Variants in PDSS2 observed in about 807,000 individuals in gnomAD.
PDSS2 encodes all trans-polyprenyl-diphosphate synthase PDSS2.
Under a neutral mutation model 44.5 loss-of-function variants are expected in PDSS2, and 31 were observed. That is an observed-to-expected ratio of 0.70 (90% CI 0.52 to 0.94). The LOEUF is 0.94. Among genes scored for constraint, PDSS2 ranks in the 40% least tolerant of loss-of-function variants. The pLI is 0.00. For missense variants in PDSS2, 452 were observed against 482.2 expected (o/e 0.94, Z 0.59); for synonymous variants, 157 against 180.3 (o/e 0.87, Z 1.03).
At chr6:107,177,196 T>A (rs1771824238) in intron 7 of PDSS2, among the ~76,000 whole-genome samples, 1 of 150,466 alleles carries the variant, frequency 6.6e-6, no homozygotes, top group Admixed American at 6.7e-5. Flanking sequence ...AGTGTTGCAA[T>A]CTTGGCTCAC....
chr6:107,241,667 G>C (rs1435716569), intron 4 of PDSS2, among the ~76,000 whole-genome samples: 1 of 152,140 alleles, frequency 6.6e-6, no homozygotes, highest in African/African-American at 2.4e-5. Context: ...TTCTTTTGGA[G>C]AAGGTGACTT....
chr6:107,343,404 T>G (rs1778140659), intron 1 of PDSS2, among the ~76,000 whole-genome samples: 1 of 152,244 alleles, frequency 6.6e-6, no homozygotes, highest in Non-Finnish European at 1.5e-5. Context: ...CTAAATTGAT[T>G]TGTGACCCAC....
intron 2 of PDSS2, among the ~76,000 whole-genome samples, chr6:107,292,288 T>C (rs1776374860): frequency 6.6e-6 from 1 of 151,732 alleles, no homozygotes; most frequent in African/African-American, 2.4e-5. Context: ...TTAGAACTAC[T>C]GGTACTTTTG....
At chr6:107,155,176 C>T (rs1181808852) in intron 7 of PDSS2, among the ~76,000 whole-genome samples, 4 of 149,222 alleles carry the variant, frequency 2.7e-5, no homozygotes, top group Admixed American at 6.7e-5. Context: ...GATGGAGTCT[C>T]GCTCTGTCGC....
At chr6:107,273,078 G>T (rs771892716) in intron 3 of PDSS2, among the ~76,000 whole-genome samples, 1 of 152,008 alleles carries the variant, frequency 6.6e-6, no homozygotes, top group African/African-American at 2.4e-5. Context: ...TCTGCCTCCC[G>T]GGTTCAAGCG....
intron 7 of PDSS2, among the ~76,000 whole-genome samples, chr6:107,176,427 CAT>C (rs34187613): frequency 5.1e-4 from 34 of 66,308 alleles, no homozygotes; most frequent in African/African-American, 1.5e-3. Flanking sequence ...CACACACACA[CAT>C]ACACACACAC....
chr6:107,444,084 A>C (rs962865084), intron 1 of PDSS2, among the ~76,000 whole-genome samples: 16 of 152,300 alleles, frequency 1.1e-4, no homozygotes, highest in Non-Finnish European at 1.9e-4. Flanking sequence ...GCTGGAGTGC[A>C]GTGGAACAAT....
chr6:107,442,180 G>C (rs1460363932), intron 1 of PDSS2, among the ~76,000 whole-genome samples: 1 of 152,180 alleles, frequency 6.6e-6, no homozygotes, highest in Non-Finnish European at 1.5e-5. Context: ...ACTTTGGGAG[G>C]CCAAAGCAGG....
chr6:107,253,207 T>C (rs945984381), intron 3 of PDSS2, among the ~76,000 whole-genome samples: 1 of 151,912 alleles, frequency 6.6e-6, no homozygotes, highest in African/African-American at 2.4e-5. Flanking sequence ...GGCTAATTTT[T>C]GTATTTTTTT....
At chr6:107,353,296 A>G (rs144298803) in intron 1 of PDSS2, among the ~76,000 whole-genome samples, 6 of 152,336 alleles carry the variant, frequency 3.9e-5, no homozygotes, top group African/African-American at 1.4e-4. Context: ...TTCTAGATTA[A>G]TAAGAATAAC....
At chr6:107,269,907 TC>T (rs1486510330) in intron 3 of PDSS2, among the ~76,000 whole-genome samples, 1 of 152,080 alleles carries the variant, frequency 6.6e-6, no homozygotes, top group East Asian at 1.9e-4. Flanking sequence ...CCTCAAGTGA[TC>T]CGCCTGCCTT....
At chr6:107,435,282 AC>A (rs1781315688) in intron 1 of PDSS2, among the ~76,000 whole-genome samples, 2 of 698 alleles carry the variant, frequency 2.9e-3, no homozygotes, top group Non-Finnish European at 4.9e-3. Context: ...CTGCCTCAAA[AC>A]ACACACACAC....
chr6:107,252,649 C>T (rs1774861872), intron 3 of PDSS2, among the ~76,000 whole-genome samples: 1 of 152,186 alleles, frequency 6.6e-6, no homozygotes, highest in Admixed American at 6.5e-5. Flanking sequence ...GCAACTGAGG[C>T]TAGATGCAGT....
chr6:107,432,476 CT>C (rs1781220988), intron 1 of PDSS2, among the ~76,000 whole-genome samples: 1 of 152,198 alleles, frequency 6.6e-6, no homozygotes, highest in Non-Finnish European at 1.5e-5. Flanking sequence ...TTAAGCATTT[CT>C]TTGGGTAGTG....
At chr6:107,253,550 T>C (rs898597549) in intron 3 of PDSS2, among the ~76,000 whole-genome samples, 11 of 152,238 alleles carry the variant, frequency 7.2e-5, no homozygotes, top group African/African-American at 2.2e-4. Context: ...GGGCCAACCA[T>C]GTCACTTCTT....
chr6:107,222,774 C>T (rs1484069519), intron 4 of PDSS2, among the ~76,000 whole-genome samples: 1 of 151,346 alleles, frequency 6.6e-6, no homozygotes, highest in Non-Finnish European at 1.5e-5. Context: ...TAGCACATAA[C>T]AGAATATATG....
In PDSS2 at chr6:107,316,868, G is replaced by C. The variant is rs113612148; in HGVS notation, c.431+17330C>G. On this transcript the variant is annotated intron_variant, in intron 2 of 7. Coordinates refer to ENST00000369037, the MANE Select transcript of PDSS2 (RefSeq NM_020381.4). Reference sequence around the variant, plus strand: ...ATAAAACTTTGTATAAATGGTTGCAGTATTATTCCTGGCTTTGAATTTTGC... The same window carrying C: ...ATAAAACTTTGTATAAATGGTTGCACTATTATTCCTGGCTTTGAATTTTGC... Among the ~76,000 whole-genome samples the C allele has an allele frequency of 8.8e-3, 1,337 of 152,286 alleles. 15 individuals carry two copies. Among genetic ancestry groups the C allele is most frequent in the African/African-American group, 0.027 (1,124 of 41,558 alleles).
At chr6:107,186,623 C>G (rs1206910337) in intron 7 of PDSS2, among the ~76,000 whole-genome samples, 1 of 152,142 alleles carries the variant, frequency 6.6e-6, no homozygotes, top group Non-Finnish European at 1.5e-5. Context: ...CCCTACCCCC[C>G]AACAGGCCCT....
chr6:107,430,496 T>A (rs1397124570), intron 1 of PDSS2, among the ~76,000 whole-genome samples: 1 of 145,142 alleles, frequency 6.9e-6, no homozygotes, highest in Non-Finnish European at 1.5e-5. Context: ...CAAGATTCTA[T>A]CTCAAAAAAA....
Sources: allele counts gnomAD v4.1 joint callset (sites outside exome capture counted in the v4.1 genomes callset), GRCh38; gene constraint gnomAD v4.1.1; transcripts MANE v1.5; gene names NCBI Gene and HGNC (gene_info 2026-07-23, HGNC 2026-07-21).